Variants in BRI3BP observed in about 807,000 individuals in gnomAD.
BRI3BP encodes BRI3 binding protein.
In BRI3BP, 7 loss-of-function variants were observed where a neutral mutation model predicts 15.8. The ratio of observed to expected loss-of-function variants is 0.44; its 90% CI spans 0.25 to 0.83. The LOEUF (loss-of-function observed/expected upper bound fraction) is 0.83, where lower values mean the gene tolerates loss of function less well. BRI3BP is among the 40% of genes least tolerant of loss of function. The pLI is 0.20. For missense variants in BRI3BP, 320 were observed against 339.3 expected (o/e 0.94, Z 0.45); for synonymous variants, 192 against 163.5 (o/e 1.17, Z -1.33).
chr12:124,994,053 C>G (rs759970620), intron 1 of BRI3BP, 50 bp downstream of exon 1: 10 of 1,180,986 alleles, frequency 8.5e-6, no homozygotes, highest in Non-Finnish European at 8.5e-6. Context: ...TCGCCACGCA[C>G]CTGGCTACCG....
chr12:124,999,591 G>GTTTTTTA (rs1490045970), intron 1 of BRI3BP, among the ~76,000 whole-genome samples: 2 of 149,640 alleles, frequency 1.3e-5, no homozygotes, highest in South Asian at 2.2e-4. Context: ...GCCCTGCTAA[G>GTTTTTTA]TTTTTTATTT....
At position 125,028,152 on chromosome 12, in the gene BRI3BP, C is replaced by T. The variant is rs922572455; in HGVS notation, c.*2722C>T. 4.6e-5 allele frequency: 7 copies of T among 152,226 alleles called. No homozygotes were observed. The highest frequency in any genetic ancestry group is 3.3e-4 in the Admixed American group (5 of 15,286). 9.4% of individuals were successfully genotyped at this position (152,226 alleles called of 1,614,324 possible). On this transcript the variant is annotated 3_prime_UTR_variant, in exon 3 of 3. Transcript: ENST00000341446. ...TCCTTTTGTGCATTTGGCTATACCA[C>T]GTTTAGGTACTAAAACAGCTTTGCT...
chr12:124,999,022 G>A (rs1189055597), intron 1 of BRI3BP, among the ~76,000 whole-genome samples: 1 of 152,106 alleles, frequency 6.6e-6, no homozygotes, highest in African/African-American at 2.4e-5. Context: ...AGACTACAGT[G>A]AGCTGTGATC....
chr12:125,008,742 T>C, intron 1 of BRI3BP, among the ~76,000 whole-genome samples: 1 of 152,184 alleles, frequency 6.6e-6, no homozygotes, highest in Non-Finnish European at 1.5e-5. Flanking sequence ...ACGTTTATTG[T>C]GTACTTTATT....
downstream of BRI3BP, among the ~76,000 whole-genome samples, chr12:125,034,574 T>A (rs1255921023): frequency 6.6e-6 from 1 of 151,874 alleles, no homozygotes; most frequent in Non-Finnish European, 1.5e-5. Flanking sequence ...TCTCTGTCAC[T>A]AGACATTAGT....
At chr12:124,994,701 A>G (rs189277440) in intron 1 of BRI3BP, among the ~76,000 whole-genome samples, 91 of 152,190 alleles carry the variant, frequency 6.0e-4, no homozygotes, top group African/African-American at 2.1e-3. Context: ...GCTAGGTGCG[A>G]TAGGGGTGCC....
the BRI3BP span, among the ~76,000 whole-genome samples, chr12:125,037,622 C>T: frequency 1.4e-5 from 2 of 147,662 alleles, 1 homozygote; most frequent in South Asian, 4.5e-4. Flanking sequence ...CCAGCCTGGC[C>T]AATATGGTGA....
chr12:125,022,188 AG>A (rs1955304960), intron 2 of BRI3BP, among the ~76,000 whole-genome samples: 1 of 151,888 alleles, frequency 6.6e-6, no homozygotes, highest in East Asian at 1.9e-4. Flanking sequence ...TAAGCCCTCC[AG>A]GGGATTCCTG....
chr12:125,024,728 G>GGCC (rs1262804865), intron 2 of BRI3BP, among the ~76,000 whole-genome samples: 2 of 151,432 alleles, frequency 1.3e-5, no homozygotes, highest in Non-Finnish European at 2.9e-5. Flanking sequence ...GAACCCAGGA[G>GGCC]GCGGAGGTTG....
chr12:125,007,908 T>C (rs142468024), intron 1 of BRI3BP, among the ~76,000 whole-genome samples: 14 of 152,330 alleles, frequency 9.2e-5, no homozygotes, highest in African/African-American at 3.4e-4. Context: ...CTGGCCTGCC[T>C]GCAGCTTTTT....
In BRI3BP at chr12:125,025,367, C is replaced by T; in HGVS notation, c.693C>T (p.Val231=). ...EEKLEHLEKQ[V]RLLNIRLNRV... is the part of the protein sequence containing the mutation. ...AGCTGGAGCACCTGGAGAAGCAGGT[C>T]AGACTGCTCAACATCCGTCTCAACC... Residue 231 remains valine (V), a synonymous_variant, in exon 3 of 3, where the codon GTC becomes GTT. Transcript: ENST00000341446. The T allele has an allele frequency of 6.2e-7, 1 of 1,612,532 alleles. No individual in the cohort carries two copies. The highest frequency in any genetic ancestry group is 8.5e-7 in the Non-Finnish European group (1 of 1,179,574).
the BRI3BP span, among the ~76,000 whole-genome samples, chr12:125,040,918 G>A: frequency 6.6e-6 from 1 of 151,264 alleles, no homozygotes; most frequent in Non-Finnish European, 1.5e-5. Flanking sequence ...TTTAGTAGAG[G>A]TGGGGTTTCT....
At chr12:125,024,896 A>C in intron 2 of BRI3BP, 95 bp from the exon 3 acceptor site, 1 of 1,145,970 alleles carries the variant, frequency 8.7e-7, no homozygotes, top group Admixed American at 2.5e-5. Flanking sequence ...AAGGCCTTTT[A>C]AGCCCCACAG....
rs1257631931 is a variant in BRI3BP at position 125,030,837 on chromosome 12, T to C, written c.*5407T>C. 5.9e-5 allele frequency: 9 copies of C among 152,214 alleles called. No individual in the cohort carries two copies. Among genetic ancestry groups the C allele is most frequent in the Admixed American group, 5.9e-4 (9 of 15,278 alleles). The allele number at this position is 152,214 out of a possible 1,614,324, so 9.4% of individuals were successfully genotyped here. On this transcript the variant is annotated 3_prime_UTR_variant, in exon 3 of 3. Transcript: ENST00000341446. Reference sequence around the variant, plus strand: ...GAAATCACACTTGTGAGGTATGGTATCCATTATCAACAGTGGATTCATGAT... The same window carrying C: ...GAAATCACACTTGTGAGGTATGGTACCCATTATCAACAGTGGATTCATGAT...
At chr12:125,031,574 ATTTTTTTTTTTTTTT>A (rs367625363), downstream of BRI3BP, among the ~76,000 whole-genome samples, 1 of 84,200 alleles carries the variant, frequency 1.2e-5, no homozygotes, top group South Asian at 3.4e-4. Context: ...TTTTCTTTCT[ATTTTTTTTTTTTTTT>A]TTTTTTTTTT....
At chr12:125,039,386 C>T in the BRI3BP span, among the ~76,000 whole-genome samples, 1 of 152,136 alleles carries the variant, frequency 6.6e-6, no homozygotes, top group Admixed American at 6.6e-5. Flanking sequence ...TAGGATTCAT[C>T]TTTTCTGGAC....
chr12:125,016,177 G>A (rs7132145), intron 2 of BRI3BP, among the ~76,000 whole-genome samples: 23,850 of 152,102 alleles, frequency 0.16, 2,088 homozygotes, highest in South Asian at 0.32. Flanking sequence ...CTTCCGTGTC[G>A]AAGCTTTTCT....
At chr12:125,011,840 A>G (rs1955199283) in intron 1 of BRI3BP, among the ~76,000 whole-genome samples, 1 of 152,198 alleles carries the variant, frequency 6.6e-6, no homozygotes. Flanking sequence ...TGGATAGAGC[A>G]TGGGGCTGTA....
At chr12:125,017,433 G>C (rs1955257746) in intron 2 of BRI3BP, among the ~76,000 whole-genome samples, 1 of 152,256 alleles carries the variant, frequency 6.6e-6, no homozygotes, top group South Asian at 2.1e-4. Context: ...GGGATTACAG[G>C]CATGTGCCAC....
Sources: allele counts gnomAD v4.1 joint callset (sites outside exome capture counted in the v4.1 genomes callset), GRCh38; gene constraint gnomAD v4.1.1; transcripts MANE v1.5; gene names NCBI Gene and HGNC (gene_info 2026-07-23, HGNC 2026-07-21).